Variants in NCOA3 observed in about 807,000 individuals in gnomAD.
NCOA3 encodes the protein CBP-interacting protein.
Under a neutral mutation model 158.8 loss-of-function variants are expected in NCOA3, and 51 were observed. That is an observed-to-expected ratio of 0.32 (90% CI 0.26 to 0.41). NCOA3 has a LOEUF of 0.41. NCOA3 is among the 10% of genes least tolerant of loss of function. The pLI is 1.00. For missense variants in NCOA3, 1,510 were observed against 1,746.6 expected (o/e 0.86, Z 2.41); for synonymous variants, 537 against 592.4 (o/e 0.91, Z 1.36).
At chr20:47,507,436 A>G (rs542574599) in intron 1 of NCOA3, among the ~76,000 whole-genome samples, 9 of 152,306 alleles carry the variant, frequency 5.9e-5, no homozygotes, top group African/African-American at 2.2e-4. Context: ...CTCTTGGTTT[A>G]TGTCGACAAC....
chr20:47,528,288 T>G (rs1337688183), intron 1 of NCOA3, among the ~76,000 whole-genome samples: 2 of 152,228 alleles, frequency 1.3e-5, no homozygotes, highest in Admixed American at 1.3e-4. Flanking sequence ...GTAAATTGTC[T>G]ACTGTACTTA....
intron 1 of NCOA3, among the ~76,000 whole-genome samples, chr20:47,533,537 T>C (rs1464010907): frequency 1.3e-5 from 2 of 152,142 alleles, no homozygotes; most frequent in Non-Finnish European, 2.9e-5. Context: ...TTATACAGTA[T>C]ATGGGTTTAG....
In NCOA3 at chr20:47,635,609, C is replaced by G. The variant is rs140702870; in HGVS notation, c.1400C>G (p.Pro467Arg). 1.3e-5 allele frequency: 21 copies of G among 1,614,068 alleles called. No homozygotes were observed. The highest frequency in any genetic ancestry group is 4.4e-5 in the South Asian group (4 of 91,094). ...TATGGGCTCAACATGAGTAGCCCCCCACATGGGAGTCCTGGTCTTGCCCCA... is the reference window on the plus strand; with the variant it reads ...TATGGGCTCAACATGAGTAGCCCCCGACATGGGAGTCCTGGTCTTGCCCCA... Reference protein sequence around the residue: ...NNYGLNMSSPPHGSPGLAPNQ... With the variant: ...NNYGLNMSSPRHGSPGLAPNQ... Residue 467 changes from proline (P) to arginine (R), a missense_variant, in exon 11 of 23, where the codon CCA (proline) becomes CGA (arginine). Pro to Arg is a moderately radical substitution (Grantham distance 103). Transcript: ENST00000371998.
chr20:47,642,803 C>T (rs1430011699), intron 17 of NCOA3, among the ~76,000 whole-genome samples: 1 of 152,120 alleles, frequency 6.6e-6, no homozygotes, highest in Non-Finnish European at 1.5e-5. Context: ...TTTACAATGG[C>T]CAAGCTGAAC....
At chr20:47,641,188 G>T (rs1213169524) in intron 16 of NCOA3, among the ~76,000 whole-genome samples, 1 of 152,120 alleles carries the variant, frequency 6.6e-6, no homozygotes, top group Non-Finnish European at 1.5e-5. Flanking sequence ...GCCCTTGTAT[G>T]TGTTGGAGAA....
chr20:47,539,175 AGGCATGGT>A (rs2084682988), intron 1 of NCOA3, among the ~76,000 whole-genome samples: 1 of 152,100 alleles, frequency 6.6e-6, no homozygotes. Context: ...ATGTGCTGCC[AGGCATGGT>A]GGCATGTTCC....
chr20:47,620,253 G>A (rs934246319), intron 2 of NCOA3, among the ~76,000 whole-genome samples: 24 of 152,096 alleles, frequency 1.6e-4, no homozygotes, highest in African/African-American at 5.8e-4. Flanking sequence ...AATGCTATAG[G>A]TGTGCACCAT....
chr20:47,508,002 C>T (rs1232513978), intron 1 of NCOA3, among the ~76,000 whole-genome samples: 1 of 151,938 alleles, frequency 6.6e-6, no homozygotes, highest in African/African-American at 2.4e-5. Context: ...CCTTTCTCCT[C>T]AGCTATCAAT....
At chr20:47,514,650 T>C (rs1421348810) in intron 1 of NCOA3, among the ~76,000 whole-genome samples, 1 of 151,446 alleles carries the variant, frequency 6.6e-6, no homozygotes, top group Non-Finnish European at 1.5e-5. Flanking sequence ...CACCTCGGCC[T>C]CCCAAAGTGC....
chr20:47,532,283 CA>C (rs1055064357), intron 1 of NCOA3, among the ~76,000 whole-genome samples: 27 of 151,992 alleles, frequency 1.8e-4, no homozygotes, highest in African/African-American at 6.0e-4. Flanking sequence ...AGGGAACTAC[CA>C]GTGGAAAGGC....
chr20:47,622,130 T>C, intron 2 of NCOA3, 99 bp from the exon 3 acceptor site: 1 of 607,918 alleles, frequency 1.6e-6, no homozygotes, highest in Non-Finnish European at 2.9e-6. Context: ...AGAAAGTAGT[T>C]CTGAATTAAA....
chr20:47,595,222 C>G (rs2085733781), intron 2 of NCOA3, among the ~76,000 whole-genome samples: 1 of 151,944 alleles, frequency 6.6e-6, no homozygotes, highest in East Asian at 1.9e-4. Context: ...CCTCAGCTCC[C>G]TGAGTAGCTG....
At chr20:47,586,508 T>A (rs1439382890) in intron 2 of NCOA3, among the ~76,000 whole-genome samples, 1 of 152,240 alleles carries the variant, frequency 6.6e-6, no homozygotes, top group African/African-American at 2.4e-5. Context: ...GTACAGTTAA[T>A]AACTTCATAA....
intron 1 of NCOA3, among the ~76,000 whole-genome samples, chr20:47,520,291 GTCTC>G (rs2084308064): frequency 2.0e-5 from 3 of 151,712 alleles, no homozygotes; most frequent in East Asian, 1.9e-4. Context: ...CTCTGACTCT[GTCTC>G]TCTCTTTCTC....
chr20:47,619,756 T>C (rs1351020356), intron 2 of NCOA3, among the ~76,000 whole-genome samples: 1 of 151,954 alleles, frequency 6.6e-6, no homozygotes, highest in African/African-American at 2.4e-5. Flanking sequence ...ATAACAAGAA[T>C]TATTCTATTT....
chr20:47,597,723 A>G (rs2085784685), intron 2 of NCOA3, among the ~76,000 whole-genome samples: 1 of 151,686 alleles, frequency 6.6e-6, no homozygotes, highest in South Asian at 2.1e-4. Context: ...TCCTGACCTC[A>G]GGTGATCCAC....
intron 2 of NCOA3, among the ~76,000 whole-genome samples, chr20:47,617,898 A>G (rs577555335): frequency 6.6e-6 from 1 of 152,196 alleles, no homozygotes; most frequent in Admixed American, 6.5e-5. Context: ...AGTTTTGTCC[A>G]TGTCTAATTA....
intron 2 of NCOA3, among the ~76,000 whole-genome samples, chr20:47,608,554 A>T (rs1424251041): frequency 6.7e-6 from 1 of 148,988 alleles, no homozygotes; most frequent in Non-Finnish European, 1.5e-5. Flanking sequence ...TGGGAGGATC[A>T]CTTCAGACCA....
At chr20:47,581,132 T>C (rs1225155910) in intron 1 of NCOA3, among the ~76,000 whole-genome samples, 1 of 152,072 alleles carries the variant, frequency 6.6e-6, no homozygotes, top group Admixed American at 6.6e-5. Context: ...GCTACAACTT[T>C]GGTGCACAAA....
Sources: allele counts gnomAD v4.1 joint callset (sites outside exome capture counted in the v4.1 genomes callset), GRCh38; gene constraint gnomAD v4.1.1; transcripts MANE v1.5; gene names NCBI Gene and HGNC (gene_info 2026-07-23, HGNC 2026-07-21).